The following CSMD3 variants were observed in gnomAD, a reference collection of about 807,000 sequenced individuals.
CSMD3 encodes the protein CUB and Sushi multiple domains 3.
A neutral mutation model predicts 435.2 loss-of-function variants in CSMD3; 177 were observed. The ratio of observed to expected loss-of-function variants is 0.41; its 90% CI spans 0.36 to 0.46. The LOEUF is 0.46. CSMD3 is among the 20% of genes least tolerant of loss of function. The pLI is 0.34. For missense variants in CSMD3, 4,265 were observed against 4,504.6 expected, an observed-to-expected ratio of 0.95 and a Z score of 1.52; for synonymous variants, 1,656 against 1,520.5, an observed-to-expected ratio of 1.09 and a Z score of -2.07.
At chr8:112,855,033 G>T (rs976068185) in intron 11 of CSMD3, among the ~76,000 whole-genome samples, 1 of 152,090 alleles carries the variant, frequency 6.6e-6, no homozygotes, top group African/African-American at 2.4e-5. Context: ...AGATTTCAAA[G>T]ATTAAGAATA....
rs144363610 is a variant in CSMD3 at position 113,191,631 on chromosome 8, G to C, written c.515-17715C>G. 6.5e-4 allele frequency among the ~76,000 whole-genome samples: 98 copies of C among 151,684 alleles called. 1 individual carries two copies. In the East Asian group the frequency reaches 0.011, roughly 17 times the overall value. On this transcript the variant is annotated intron_variant, in intron 3 of 70. Transcript: ENST00000297405. ...CTGCATAGTAGTCCTTGGTGTCTAT[G>C]TATCACATTTTCTTTATCCGGTCTG...
At position 112,800,208 on chromosome 8, in the gene CSMD3, T is replaced by C. The variant is rs2078928445; in HGVS notation, c.1926A>G (p.Gln642=). The C allele has an allele frequency of 1.9e-6, 3 of 1,613,026 alleles. No homozygotes were observed. The highest frequency in any genetic ancestry group is 2.2e-5 in the East Asian group (1 of 44,802). The part of the protein sequence containing the change: ...SMSSQMWLHL[Q]TDESVGSVGF... ...CAACAGATCCAACACTTTCGTCCGT[T>C]TGAAGGTGCAGCCACATTTGGCTAC... The change falls in exon 13 of 71, where the codon CAA becomes CAG. Residue 642 remains glutamine (Q), a synonymous_variant. Transcript: ENST00000297405.
Position 112,738,065 on chromosome 8 carries a change from GTGATAAGACC to G in CSMD3, c.1973-48025_1973-48016del, listed in dbSNP as rs1414251534. ...TCAGTAAAGAACATGTAAGCACACA[GTGATAAGACC>G]TGACGTTGGTTTATAGATTATGGTG... On this transcript the variant is annotated intron_variant, in intron 13 of 70. Transcript: ENST00000297405. 2.0e-5 allele frequency among the ~76,000 whole-genome samples: 3 copies of G among 151,796 alleles called. No individual in the cohort carries two copies. The Admixed American group carries it at 2.0e-4, about 10-fold the overall frequency.
intron 1 of CSMD3, among the ~76,000 whole-genome samples, chr8:113,363,874 T>A (rs946032670): frequency 6.6e-6 from 1 of 152,216 alleles, no homozygotes; most frequent in Non-Finnish European, 1.5e-5. Flanking sequence ...TTAATTTTAA[T>A]AATGTCTAAC....
At chr8:113,410,287 G>A (rs906585809) in intron 1 of CSMD3, among the ~76,000 whole-genome samples, 4 of 152,156 alleles carry the variant, frequency 2.6e-5, no homozygotes, top group African/African-American at 4.8e-5. Context: ...TAAGAAGACT[G>A]TGTGTCTACC....
chr8:112,240,894 G>A (rs181569229), intron 66 of CSMD3, among the ~76,000 whole-genome samples: 10 of 152,004 alleles, frequency 6.6e-5, no homozygotes, highest in African/African-American at 1.2e-4. Context: ...CTCTTTGCCC[G>A]CTCGCATCCA....
intron 17 of CSMD3, among the ~76,000 whole-genome samples, chr8:112,664,991 A>G (rs1202387309): frequency 6.6e-6 from 1 of 152,184 alleles, no homozygotes; most frequent in Non-Finnish European, 1.5e-5. Context: ...AGATAGTGTT[A>G]AATTAAGTTT....
At chr8:112,848,387 C>T (rs918444254) in intron 11 of CSMD3, among the ~76,000 whole-genome samples, 4 of 151,908 alleles carry the variant, frequency 2.6e-5, no homozygotes, top group East Asian at 1.9e-4. Flanking sequence ...TAGTAATTTC[C>T]GAACAATATA....
intron 1 of CSMD3, among the ~76,000 whole-genome samples, chr8:113,367,904 T>C (rs943335972): frequency 3.3e-5 from 5 of 152,106 alleles, no homozygotes; most frequent in Non-Finnish European, 4.4e-5. Flanking sequence ...TTCATGATAA[T>C]TGCAATCTAA....
chr8:112,342,961 T>G (rs935458207), intron 41 of CSMD3, among the ~76,000 whole-genome samples: 3 of 103,758 alleles, frequency 2.9e-5, no homozygotes, highest in African/African-American at 9.4e-5. Context: ...TCTTTACCTC[T>G]TGAAATGTAT....
intron 3 of CSMD3, among the ~76,000 whole-genome samples, chr8:113,237,787 G>A (rs1352325310): frequency 5.9e-5 from 9 of 152,050 alleles, no homozygotes; most frequent in African/African-American, 2.2e-4. Flanking sequence ...TTATCAAAGG[G>A]AGTTCTGGGC....
chr8:112,718,002 G>A (rs4876490), intron 13 of CSMD3, among the ~76,000 whole-genome samples: 1 of 151,824 alleles, frequency 6.6e-6, no homozygotes, highest in Non-Finnish European at 1.5e-5. Context: ...ATAGGTGCAG[G>A]AAGCCACCAT....
intron 13 of CSMD3, among the ~76,000 whole-genome samples, chr8:112,694,412 G>A (rs944397051): frequency 1.3e-5 from 2 of 151,992 alleles, no homozygotes; most frequent in Admixed American, 6.6e-5. Flanking sequence ...AATTGTAAAT[G>A]TTCTCTTTTC....
intron 3 of CSMD3, among the ~76,000 whole-genome samples, chr8:113,205,943 T>C (rs2092766471): frequency 6.6e-6 from 1 of 152,180 alleles, no homozygotes; most frequent in African/African-American, 2.4e-5. Context: ...CAGTGTAGAA[T>C]AGAAGCTGAA....
Position 112,263,662 on chromosome 8 carries a change from C to T in CSMD3, c.9839G>A (p.Ser3280Asn), listed in dbSNP as rs2130381036. 1 of 1,613,546 alleles carries T rather than the reference C, an allele frequency of 6.2e-7. No individual in the cohort carries two copies. Among genetic ancestry groups the T allele is most frequent in the African/African-American group, 1.3e-5 (1 of 74,992 alleles). ...VLTCVGNGTW[S>N]GEVPQCLPKF... ...ACGTAAGCACTGCGGTACTTCACCA[C>T]TCCAGGTACCATTCCCTACACAGGT... Residue 3280 changes from serine (S) to asparagine (N), a missense_variant, in exon 61 of 71, where the codon AGT (serine) becomes AAT (asparagine). Physicochemically the swap from Ser to Asn is conservative, Grantham distance 46 (BLOSUM62 1). Transcript: ENST00000297405.
chr8:112,393,090 T>C (rs1239249324), intron 35 of CSMD3, among the ~76,000 whole-genome samples: 1 of 152,194 alleles, frequency 6.6e-6, no homozygotes, highest in East Asian at 1.9e-4. Flanking sequence ...ACAGGATCTG[T>C]GTTGCTCAGG....
rs2130798301 is a variant in CSMD3 at position 112,947,854 on chromosome 8, C to G, written c.1444G>C (p.Ala482Pro). ...CCTGGATCTGGGCATAAATTGGAAG[C>G]TGTTTTAATACCTCCCTCATTTACT... ...SILNEGGIKTASNLCPDPGEP... is the reference protein window; with the variant it reads ...SILNEGGIKTPSNLCPDPGEP... The change falls in exon 9 of 71, where the codon GCT (alanine) becomes CCT (proline). Residue 482 changes from alanine (A) to proline (P), a missense_variant. By Grantham distance (27) the Ala-to-Pro change is conservative. Coordinates refer to ENST00000297405, the MANE Select transcript of CSMD3 (RefSeq NM_198123.2). 1 of 1,525,352 alleles carries G rather than the reference C, an allele frequency of 6.6e-7. No individual in the cohort carries two copies. Among genetic ancestry groups the G allele is most frequent in the South Asian group, 1.1e-5 (1 of 88,536 alleles). 94.5% of individuals were successfully genotyped at this position (1,525,352 alleles called of 1,614,324 possible). A position where few individuals can be genotyped will look rare whatever the true frequency, so the allele number is the denominator to read the frequency against.
chr8:112,485,971 T>C (rs1820087003), intron 31 of CSMD3, among the ~76,000 whole-genome samples: 1 of 151,430 alleles, frequency 6.6e-6, no homozygotes. Flanking sequence ...ATCCAGATCT[T>C]ATATCAGCAT....
chr8:112,903,100 C>T (rs1377236454), intron 10 of CSMD3, among the ~76,000 whole-genome samples: 3 of 130,370 alleles, frequency 2.3e-5, no homozygotes, highest in Non-Finnish European at 4.7e-5. Flanking sequence ...CTTTCTTTCC[C>T]TAACGGCAAC....
Sources: allele counts gnomAD v4.1 joint callset (sites outside exome capture counted in the v4.1 genomes callset), GRCh38; gene constraint gnomAD v4.1.1; transcripts MANE v1.5; gene names NCBI Gene and HGNC (gene_info 2026-07-23, HGNC 2026-07-21).